RGS3: variants seen among roughly 807,000 people sequenced by gnomAD.
RGS3 encodes regulator of G protein signaling 3, also known as regulator of G-protein signalling 3.
In RGS3, 80 loss-of-function variants were observed where a neutral mutation model predicts 132.6. That is an observed-to-expected ratio of 0.60 (90% CI 0.50 to 0.73). The LOEUF is 0.73. Ranked by LOEUF, RGS3 falls within the 30% of genes least tolerant of loss-of-function variation. RGS3 has a pLI of 0.00. For missense variants in RGS3, 1,382 were observed against 1,530.8 expected, an observed-to-expected ratio of 0.90 and a Z score of 1.62; for synonymous variants, 598 against 620.6, an observed-to-expected ratio of 0.96 and a Z score of 0.54.
intron 3 of RGS3, among the ~76,000 whole-genome samples, chr9:113,471,506 A>T (rs1829830750): frequency 6.6e-6 from 1 of 152,154 alleles, no homozygotes; most frequent in South Asian, 2.1e-4. Flanking sequence ...AGTTTTCCTC[A>T]GTGGATCTGT....
At chr9:113,491,098 TATA>T (rs1399030601) in intron 7 of RGS3, among the ~76,000 whole-genome samples, 2 of 142,144 alleles carry the variant, frequency 1.4e-5, no homozygotes, top group African/African-American at 5.1e-5. Context: ...ATAACTTAAT[TATA>T]ATTATATATG....
chr9:113,465,439 C>CTG (rs3221187), intron 3 of RGS3, among the ~76,000 whole-genome samples: 26,293 of 135,098 alleles, frequency 0.19, 2,442 homozygotes, highest in Non-Finnish European at 0.24. Context: ...ACACCTATTT[C>CTG]TGTGTGTGTG....
At chr9:113,530,374 C>G (rs1438643289) in intron 18 of RGS3, among the ~76,000 whole-genome samples, 1 of 152,224 alleles carries the variant, frequency 6.6e-6, no homozygotes, top group Non-Finnish European at 1.5e-5. Context: ...ACTGGGCTGC[C>G]TGAAATACAG....
At chr9:113,584,983 T>C (rs1413088168) in intron 20 of RGS3, among the ~76,000 whole-genome samples, 3 of 152,238 alleles carry the variant, frequency 2.0e-5, no homozygotes, top group African/African-American at 7.2e-5. Context: ...TGAACTAGAA[T>C]TAGAATCTGG....
Position 113,591,219 on chromosome 9 carries a change from G to A in RGS3, c.3016-114G>A. 6.7e-6 allele frequency: 6 copies of A among 898,746 alleles called. No homozygotes were observed. Among genetic ancestry groups the A allele is most frequent in the Non-Finnish European group, 8.9e-6 (5 of 562,580 alleles). 55.7% of individuals were successfully genotyped at this position (898,746 alleles called of 1,614,324 possible). ...CCTCACCTGTGTGCCGCGGGTGGGG[G>A]CTTTGGGGATGGAAGGGGCTGGTGG... On this transcript the variant is annotated intron_variant, in intron 20 of 24. Coordinates refer to ENST00000350696, the Ensembl canonical transcript of RGS3. This position sits in a 1 kb window ranked among gnomAD's most constrained non-coding sequence, Gnocchi z 4.4.
intron 20 of RGS3, among the ~76,000 whole-genome samples, chr9:113,585,213 A>G (rs1205836556): frequency 1.3e-5 from 2 of 152,230 alleles, no homozygotes; most frequent in Non-Finnish European, 2.9e-5. Flanking sequence ...AGATTGCGCC[A>G]TGATCTTGAA....
chr9:113,462,237 G>A, intron 3 of RGS3: 1 of 1,552,638 alleles, frequency 6.4e-7, no homozygotes, highest in Non-Finnish European at 8.8e-7. Context: ...GGCTAGGAGA[G>A]TGGACCTGCT....
intron 10 of RGS3, chr9:113,501,411 A>G (rs552757259): frequency 2.1e-6 from 3 of 1,454,736 alleles, no homozygotes; most frequent in African/African-American, 2.8e-5. Flanking sequence ...GCAGAGGCAC[A>G]CAGCACAGAC....
Position 113,565,233 on chromosome 9 carries a change from AC to A in RGS3, c.2038-18214del. The A allele has an allele frequency of 7.8e-7, 1 of 1,283,028 alleles. No homozygotes were observed. The highest frequency in any genetic ancestry group is 1.0e-6 in the Non-Finnish European group (1 of 985,140). The allele number at this position is 1,283,028 out of a possible 1,614,324, so 79.5% of individuals were successfully genotyped here. On this transcript the variant is annotated intron_variant, in intron 19 of 24. Transcript: ENST00000350696. The surrounding 1 kb of genome is among the most constrained non-coding windows in gnomAD (Gnocchi z 5.7). ...GGGCAGAAGGACGGGCTGGCCCAGG[AC>A]CCTCTTCTTTGAGACATCCCGGACT...
chr9:113,561,350 TTTTTCTTTCTTTCCTTTCCTTTTC>T (rs1390156488), intron 19 of RGS3, among the ~76,000 whole-genome samples: 4 of 151,986 alleles, frequency 2.6e-5, no homozygotes, highest in Admixed American at 6.6e-5. Context: ...TCTTCTTTTC[TTTTTCTTTCTTTCCTTTCCTTTTC>T]TTTTCTTTCT....
chr9:113,544,280 C>G (rs1833018540), intron 19 of RGS3, among the ~76,000 whole-genome samples: 2 of 151,618 alleles, frequency 1.3e-5, no homozygotes, highest in Admixed American at 6.6e-5. Context: ...CACCCCCGAC[C>G]CTCTGATCCC....
rs113727966 is a variant in RGS3 at position 113,535,801 on chromosome 9, C to A, written c.1915-995C>A. 3.3e-3 allele frequency among the ~76,000 whole-genome samples: 495 copies of A among 152,196 alleles called. 3 individuals are homozygous for A. Among genetic ancestry groups the A allele is most frequent in the African/African-American group, 0.011 (471 of 41,534 alleles). On this transcript the variant is annotated intron_variant, in intron 18 of 24. Transcript: ENST00000350696. ...AATCGCAGCCCTTTGGGGTTATAAT[C>A]AAATTCTAGTGGAGGCAGACAGAGC...
intron 19 of RGS3, among the ~76,000 whole-genome samples, chr9:113,578,272 C>T (rs964594597): frequency 6.6e-6 from 1 of 152,120 alleles, no homozygotes. Flanking sequence ...CCATGGCTAT[C>T]GTTTATTGAG....
chr9:113,458,217 A>G (rs1829402566), upstream of RGS3, among the ~76,000 whole-genome samples: 2 of 152,160 alleles, frequency 1.3e-5, no homozygotes, highest in Non-Finnish European at 2.9e-5. Flanking sequence ...GTGCCTGGCC[A>G]AATTCATTTT....
chr9:113,484,227 C>T, exon 6 of RGS3: 1 of 1,514,046 alleles, frequency 6.6e-7, no homozygotes, highest in Non-Finnish European at 9.0e-7. Flanking sequence ...ACGAGCACTT[C>T]TTCTTGTAAG....
intron 14 of RGS3, among the ~76,000 whole-genome samples, chr9:113,509,402 G>A (rs1004016083): frequency 3.5e-4 from 53 of 152,152 alleles, no homozygotes; most frequent in African/African-American, 1.3e-3. Flanking sequence ...ATGGTTATGA[G>A]TAGTTGCCTG....
chr9:113,541,518 A>C lies in RGS3; in HGVS notation c.2037+4600A>C. ...AGTAACCTCACCTCAACTGGACCTGAAACAGAGGACCAAGATGGTGGGTCT... is the reference window on the plus strand; with the variant it reads ...AGTAACCTCACCTCAACTGGACCTGCAACAGAGGACCAAGATGGTGGGTCT... On this transcript the variant is annotated intron_variant, in intron 19 of 24. Transcript: ENST00000350696. The C allele has an allele frequency of 3.2e-6, 5 of 1,548,916 alleles. No homozygotes were observed. In the Middle Eastern group the frequency reaches 8.7e-4, roughly 270 times the overall value.
chr9:113,446,570 C>T (rs1238212620), intron 1 of RGS3, among the ~76,000 whole-genome samples: 1 of 152,188 alleles, frequency 6.6e-6, no homozygotes, highest in Non-Finnish European at 1.5e-5. Context: ...AAAACACATT[C>T]CATCATTTAC....
chr9:113,447,429 T>G (rs1483616479), intron 1 of RGS3, among the ~76,000 whole-genome samples: 6 of 144,732 alleles, frequency 4.1e-5, no homozygotes, highest in African/African-American at 1.5e-4. Flanking sequence ...TATGCCAGTG[T>G]AATTAGAATT....
Sources: allele counts gnomAD v4.1 joint callset (sites outside exome capture counted in the v4.1 genomes callset), GRCh38; gene constraint gnomAD v4.1.1; non-coding constraint Gnocchi (gnomAD v3.1); transcripts MANE v1.5; gene names NCBI Gene and HGNC (gene_info 2026-07-23, HGNC 2026-07-21).